ABHD12: variants seen among roughly 807,000 people sequenced by gnomAD.
ABHD12 encodes the protein lysophosphatidylserine lipase ABHD12.
In ABHD12, 43 loss-of-function variants were observed where a neutral mutation model predicts 58.3. The ratio of observed to expected loss-of-function variants is 0.74; its 90% CI spans 0.58 to 0.95. The LOEUF is 0.95. Ranked by LOEUF, ABHD12 falls within the 40% of genes least tolerant of loss-of-function variation. The probability of loss-of-function intolerance (pLI) is 0.00; values close to 1 mark genes in which losing one functional copy is unlikely to be tolerated. For synonymous variants in ABHD12, 219 were observed against 211.2 expected (o/e 1.04, Z -0.32); for missense variants, 539 against 537.2 (o/e 1.00, Z -0.03).
chr20:25,377,950 C>A (rs922655008), intron 1 of ABHD12, among the ~76,000 whole-genome samples: 1 of 152,206 alleles, frequency 6.6e-6, no homozygotes, highest in Non-Finnish European at 1.5e-5. Context: ...CCCACCTCAG[C>A]CTCCCAAAGT....
At chr20:25,311,862 G>T (rs1334543088) in intron 6 of ABHD12, among the ~76,000 whole-genome samples, 2 of 152,084 alleles carry the variant, frequency 1.3e-5, no homozygotes, top group Non-Finnish European at 2.9e-5. Flanking sequence ...CTGCCACCAG[G>T]CTCAGCTACT....
In ABHD12 at chr20:25,339,230, A is replaced by T; in HGVS notation, c.313T>A (p.Phe105Ile). Residue 105 changes from phenylalanine to isoleucine, a missense_variant, in exon 2 of 13, where the codon TTC becomes ATC. Transcript: ENST00000339157. ...AAAATGGACACATACCACTTACCGA[A>T]ATTCAAGAAAATCAGTTTGGCCTGT... ...GIQAKLIFLN[F>I]VRVPYFIDLK... The T allele has an allele frequency of 6.2e-7, 1 of 1,614,176 alleles. No homozygotes were observed. The highest frequency in any genetic ancestry group is 8.5e-7 in the Non-Finnish European group (1 of 1,180,008).
chr20:25,333,337 T>C (rs2089308909), intron 2 of ABHD12, among the ~76,000 whole-genome samples: 1 of 119,178 alleles, frequency 8.4e-6, no homozygotes, highest in African/African-American at 2.8e-5. Context: ...CCTAACAGAG[T>C]CCAGGACCAG....
chr20:25,294,940 C>G (rs1256384257), exon 13 of ABHD12: 1 of 1,613,198 alleles, frequency 6.2e-7, no homozygotes, highest in Admixed American at 1.7e-5. Flanking sequence ...TTGTCTGCTG[C>G]TCTTCGATGA....
chr20:25,359,358 A>C (rs991189796), intron 1 of ABHD12, among the ~76,000 whole-genome samples: 2 of 138,996 alleles, frequency 1.4e-5, no homozygotes, highest in Non-Finnish European at 3.0e-5. Context: ...CGGGAGGCGG[A>C]GCTTGCAGTG....
downstream of ABHD12, among the ~76,000 whole-genome samples, chr20:25,298,564 A>G (rs987914101): frequency 1.3e-5 from 2 of 152,066 alleles, no homozygotes; most frequent in Admixed American, 6.6e-5. Flanking sequence ...CAAGCTAGCT[A>G]TTTTCTAAAA....
intron 1 of ABHD12, among the ~76,000 whole-genome samples, chr20:25,347,850 A>G (rs748728374): frequency 6.6e-6 from 1 of 152,018 alleles, no homozygotes; most frequent in Non-Finnish European, 1.5e-5. Flanking sequence ...TCAGAAAAAT[A>G]AAAATGTTTT....
chr20:25,333,947 G>C lies in ABHD12; in HGVS notation c.316+5280C>G, dbSNP rs186374027. 1.0e-3 allele frequency among the ~76,000 whole-genome samples: 156 copies of C among 152,354 alleles called. 1 individual carries two copies. Among genetic ancestry groups the C allele is most frequent in the Middle Eastern group, 6.8e-3 (2 of 294 alleles). ...ACTCATATTCAACACAGTGTTGGAA[G>C]TGCTGGCCGGGGCAATTAGGCAGGA... On this transcript the variant is annotated intron_variant, in intron 2 of 12. Coordinates refer to ENST00000339157, the MANE Select transcript of ABHD12 (RefSeq NM_001042472.3).
chr20:25,335,141 C>T (rs1258218957), intron 2 of ABHD12, among the ~76,000 whole-genome samples: 3 of 151,848 alleles, frequency 2.0e-5, no homozygotes, highest in South Asian at 2.1e-4. Flanking sequence ...AAAAAGTGGG[C>T]GAAGGACATG....
chr20:25,312,073 C>T lies in ABHD12; in HGVS notation c.620-2498G>A, dbSNP rs146418059. Among the ~76,000 whole-genome samples, 94 of 152,200 alleles carry T rather than the reference C, an allele frequency of 6.2e-4. 3 individuals carry two copies. In the East Asian group the frequency reaches 0.018, roughly 29 times the overall value. ...CTCACTCACACCTGTAATCCCAACA[C>T]TTCGGGAGGCCAAGGTGGGCAGACT... On this transcript the variant is annotated intron_variant, in intron 6 of 12. Coordinates refer to ENST00000339157, the MANE Select transcript of ABHD12 (RefSeq NM_001042472.3).
chr20:25,296,146 C>A (rs1367338543), downstream of ABHD12, among the ~76,000 whole-genome samples: 1 of 152,092 alleles, frequency 6.6e-6, no homozygotes, highest in African/African-American at 2.4e-5. Context: ...GAGGCTGGGA[C>A]CTTCTCTCCA....
chr20:25,309,680 G>C (rs2088813106), intron 6 of ABHD12, 105 bp from the exon 7 acceptor site: 13 of 1,525,772 alleles, frequency 8.5e-6, no homozygotes, highest in Middle Eastern at 4.2e-4. Flanking sequence ...ACAGGGAGGG[G>C]CCCGCTTGGC....
chr20:25,338,863 T>C lies in ABHD12; in HGVS notation c.316+364A>G, dbSNP rs1201875090. On this transcript the variant is annotated intron_variant, in intron 2 of 12. Transcript: ENST00000339157. The stretch of plus-strand genomic sequence containing the variant: ...CATGATGGCTTCAGCTGACTTCTCA[T>C]GTTGTCAACATTTTTACTCACCTCA... 4.6e-6 allele frequency: 5 copies of C among 1,076,462 alleles called. No individual in the cohort carries two copies. In the East Asian group the frequency reaches 3.0e-4, roughly 64 times the overall value. 66.7% of individuals were successfully genotyped at this position (1,076,462 alleles called of 1,614,324 possible).
At chr20:25,311,669 CTT>C (rs1476875520) in intron 6 of ABHD12, among the ~76,000 whole-genome samples, 1 of 152,186 alleles carries the variant, frequency 6.6e-6, no homozygotes, top group Admixed American at 6.5e-5. Flanking sequence ...GCCATCAACT[CTT>C]TAATCTCTCC....
Position 25,320,185 on chromosome 20 carries a change from C to G in ABHD12, c.542+14G>C. On this transcript the variant is annotated intron_variant, in intron 4 of 12. Transcript: ENST00000339157. Reference sequence around the variant, plus strand: ...CATGCTCCACAGCAAAGATGATGGGCTCCTCTCCCTCACCTGGTACCTGCG... The same window carrying G: ...CATGCTCCACAGCAAAGATGATGGGGTCCTCTCCCTCACCTGGTACCTGCG... 6.2e-7 allele frequency: 1 copy of G among 1,613,612 alleles called. No homozygotes were observed. Among genetic ancestry groups the G allele is most frequent in the South Asian group, 1.1e-5 (1 of 91,034 alleles).
At chr20:25,351,178 T>C (rs138654406) in intron 1 of ABHD12, among the ~76,000 whole-genome samples, 137 of 152,356 alleles carry the variant, frequency 9.0e-4, no homozygotes, top group African/African-American at 3.2e-3. Flanking sequence ...AAGGTTTTTT[T>C]CTTCCCAACA....
chr20:25,380,821 C>T (rs2090013681), intron 1 of ABHD12, among the ~76,000 whole-genome samples: 1 of 152,146 alleles, frequency 6.6e-6, no homozygotes, highest in South Asian at 2.1e-4. Context: ...CAGGCCCTAA[C>T]CTCCCCCTTG....
At chr20:25,338,298 G>A (rs1037671449) in intron 2 of ABHD12, among the ~76,000 whole-genome samples, 5 of 151,958 alleles carry the variant, frequency 3.3e-5, no homozygotes, top group Non-Finnish European at 5.9e-5. Context: ...ACTCCCAAAC[G>A]CATAAGGCCA....
chr20:25,315,072 TGTACGTA>T, intron 5 of ABHD12, 102 bp from the exon 6 acceptor site: 1 of 1,213,302 alleles, frequency 8.2e-7, no homozygotes, highest in Non-Finnish European at 1.2e-6. Context: ...TCCTCTGCCT[TGTACGTA>T]GTGGCAGCTT....
Sources: allele counts gnomAD v4.1 joint callset (sites outside exome capture counted in the v4.1 genomes callset), GRCh38; gene constraint gnomAD v4.1.1; transcripts MANE v1.5; gene names NCBI Gene and HGNC (gene_info 2026-07-23, HGNC 2026-07-21).